METTL15: variants seen among roughly 807,000 people sequenced by gnomAD.
METTL15 encodes methyltransferase 15, mitochondrial 12S rRNA N4-cytidine, also known as 12S rRNA N(4)-cytidine methyltransferase METTL15.
In METTL15, 34 loss-of-function variants were observed where a neutral mutation model predicts 38.3. The ratio of observed to expected loss-of-function variants is 0.89; its 90% CI spans 0.68 to 1.18. The LOEUF is 1.18. METTL15 is among the 50% of genes most tolerant of loss of function. The probability of loss-of-function intolerance (pLI) is 0.00; values close to 1 mark genes in which losing one functional copy is unlikely to be tolerated. For synonymous variants in METTL15, 162 were observed against 170.9 expected (o/e 0.95, Z 0.41); for missense variants, 438 against 498.4 (o/e 0.88, Z 1.15).
intron 6 of METTL15, among the ~76,000 whole-genome samples, chr11:28,492,716 T>G (rs1163659835): frequency 6.6e-6 from 1 of 152,158 alleles, no homozygotes; most frequent in Non-Finnish European, 1.5e-5. Flanking sequence ...TTTGTAGCAT[T>G]GACTAGCATT....
intron 6 of METTL15, among the ~76,000 whole-genome samples, chr11:28,452,625 C>A (rs966958104): frequency 5.9e-5 from 9 of 152,110 alleles, no homozygotes; most frequent in Admixed American, 5.9e-4. Context: ...CTTTATGTAA[C>A]CCAGGCACTC....
chr11:28,322,147 A>G (rs1277530283), intron 6 of METTL15, among the ~76,000 whole-genome samples: 2 of 152,116 alleles, frequency 1.3e-5, no homozygotes, highest in Non-Finnish European at 2.9e-5. Context: ...CCTAAATTTA[A>G]TAAAACCTAA....
rs560391052 is a variant in METTL15, at chr11:28,508,900, A to G, written c.*425-17578A>G. Among the ~76,000 whole-genome samples, 17 of 152,352 alleles carry G rather than the reference A, an allele frequency of 1.1e-4. No homozygotes were observed. In the South Asian group the frequency reaches 3.5e-3, roughly 32 times the overall value. Reference sequence around the variant, plus strand: ...TACCTGGTCCTGGTTTGGTAAATCAAATGGGTTGGCATGAGGCCAAGATGG... The same window carrying G: ...TACCTGGTCCTGGTTTGGTAAATCAGATGGGTTGGCATGAGGCCAAGATGG... On this transcript the variant is annotated intron_variant and NMD_transcript_variant, in intron 6 of 7. Coordinates refer to the METTL15 transcript ENST00000532947.
chr11:28,398,609 C>T (rs948326350), intron 5 of METTL15, among the ~76,000 whole-genome samples: 5 of 152,114 alleles, frequency 3.3e-5, no homozygotes, highest in African/African-American at 4.8e-5. Context: ...AAAATTTTCT[C>T]ACATTCTGTA....
intron 5 of METTL15, among the ~76,000 whole-genome samples, chr11:28,394,849 C>T (rs964070284): frequency 6.6e-6 from 1 of 151,992 alleles, no homozygotes; most frequent in Non-Finnish European, 1.5e-5. Context: ...GTGTTACTTA[C>T]CTTTATTTAT....
intron 6 of METTL15, among the ~76,000 whole-genome samples, chr11:28,438,672 CTTTTT>C (rs1171439330): frequency 7.8e-6 from 1 of 128,192 alleles, no homozygotes; most frequent in Non-Finnish European, 1.7e-5. Context: ...TTTCTTTTTT[CTTTTT>C]TTTTTTTTTT....
At chr11:28,315,967 C>A (rs1421851128) in intron 6 of METTL15, among the ~76,000 whole-genome samples, 1 of 152,256 alleles carries the variant, frequency 6.6e-6, no homozygotes, top group Non-Finnish European at 1.5e-5. Flanking sequence ...CAGATGTTTG[C>A]TGCAGGGCTT....
At chr11:28,444,935 A>G (rs965362364) in intron 6 of METTL15, among the ~76,000 whole-genome samples, 2 of 152,182 alleles carry the variant, frequency 1.3e-5, no homozygotes, top group African/African-American at 2.4e-5. Flanking sequence ...GGATGTGAAC[A>G]GCATCAGGTG....
chr11:28,340,170 T>TGA (rs1849937526), intron 3 of METTL15, among the ~76,000 whole-genome samples: 2 of 152,228 alleles, frequency 1.3e-5, no homozygotes, highest in East Asian at 1.9e-4. Flanking sequence ...TTTTAAATCA[T>TGA]TTTAAAAATG....
chr11:28,277,724 A>G (rs1174348761), intron 4 of METTL15, among the ~76,000 whole-genome samples: 1 of 152,106 alleles, frequency 6.6e-6, no homozygotes, highest in African/African-American at 2.4e-5. Context: ...GCAACAAAAA[A>G]AATGGAATCA....
intron 4 of METTL15, among the ~76,000 whole-genome samples, chr11:28,286,893 C>CTA (rs977986081): frequency 5.0e-4 from 76 of 151,190 alleles, no homozygotes; most frequent in South Asian, 8.4e-4. Flanking sequence ...CACACACAGA[C>CTA]TATATATATA....
intron 5 of METTL15, among the ~76,000 whole-genome samples, chr11:28,294,034 G>GA (rs1856632533): frequency 6.6e-6 from 1 of 152,082 alleles, no homozygotes; most frequent in Non-Finnish European, 1.5e-5. Flanking sequence ...TTTTCCTAAT[G>GA]AATACCCTTT....
At chr11:28,151,232 T>C (rs1850077868) in intron 3 of METTL15, among the ~76,000 whole-genome samples, 1 of 151,956 alleles carries the variant, frequency 6.6e-6, no homozygotes, top group Non-Finnish European at 1.5e-5. Flanking sequence ...TTTAAAACTA[T>C]TAGCATACTT....
chr11:28,257,270 A>G (rs1855010738), intron 4 of METTL15, among the ~76,000 whole-genome samples: 1 of 152,078 alleles, frequency 6.6e-6, no homozygotes, highest in South Asian at 2.1e-4. Context: ...TTGGAGCTCC[A>G]TTGTATGTTT....
chr11:28,393,482 T>G (rs755849803), intron 5 of METTL15, among the ~76,000 whole-genome samples: 1 of 152,234 alleles, frequency 6.6e-6, no homozygotes. Flanking sequence ...TTGGTGTTGA[T>G]GTTAGATGCC....
At chr11:28,143,524 C>T (rs955616091) in intron 3 of METTL15, among the ~76,000 whole-genome samples, 1 of 152,138 alleles carries the variant, frequency 6.6e-6, no homozygotes, top group Non-Finnish European at 1.5e-5. Flanking sequence ...TATTCTAATT[C>T]ATCCTTCTTC....
chr11:28,370,402 AT>A (rs1291544797), intron 5 of METTL15, among the ~76,000 whole-genome samples: 1 of 151,878 alleles, frequency 6.6e-6, no homozygotes, highest in Admixed American at 6.6e-5. Context: ...TATTCTTTTT[AT>A]GGCTGAATAA....
intron 4 of METTL15, among the ~76,000 whole-genome samples, chr11:28,258,077 A>G (rs953415924): frequency 3.3e-5 from 5 of 152,156 alleles, no homozygotes; most frequent in South Asian, 2.1e-4. Flanking sequence ...GATCTAAGCT[A>G]TATCTGCTTA....
intron 3 of METTL15, among the ~76,000 whole-genome samples, chr11:28,126,430 T>C (rs1169089742): frequency 6.6e-6 from 1 of 152,138 alleles, no homozygotes; most frequent in Admixed American, 6.6e-5. Context: ...TGTCTGACTT[T>C]TACCACTGTA....
Sources: gnomAD v4.1 joint callset for allele counts (sites outside exome capture counted in the v4.1 genomes callset) on GRCh38, gnomAD v4.1.1 for gene constraint, MANE v1.5 for transcripts, NCBI Gene and HGNC (gene_info 2026-07-23, HGNC 2026-07-21) for gene names.